AEBP2: variants seen among roughly 807,000 people sequenced by gnomAD.
AEBP2 encodes AE binding protein 2, also known as zinc finger protein AEBP2.
In AEBP2, 10 loss-of-function variants were observed where a neutral mutation model predicts 50.8. The ratio of observed to expected loss-of-function variants is 0.20; its 90% confidence interval spans 0.12 to 0.33. AEBP2 has a LOEUF of 0.33. Ranked by LOEUF, AEBP2 falls within the 10% of genes least tolerant of loss-of-function variation. AEBP2 has a pLI of 1.00. For missense variants in AEBP2, 570 were observed against 688.0 expected (o/e 0.83, Z 1.92); for synonymous variants, 296 against 261.3 (o/e 1.13, Z -1.28).
chr12:19,435,280 A>ATTTTTTTTTTTTTTTT (rs35017794), upstream of AEBP2, among the ~76,000 whole-genome samples: 2 of 142,902 alleles, frequency 1.4e-5, no homozygotes, highest in Non-Finnish European at 1.5e-5. Context: ...TGACTGGCTA[A>ATTTTTTTTTTTTTTTT]TTTTTTTTTT....
intron 1 of AEBP2, among the ~76,000 whole-genome samples, chr12:19,460,277 A>G (rs1222173134): frequency 3.3e-5 from 5 of 152,212 alleles, no homozygotes; most frequent in Non-Finnish European, 5.9e-5. Context: ...AGCTTACTTA[A>G]GCTAACAAAA....
chr12:19,491,539 A>AT (rs1460684822), intron 3 of AEBP2, among the ~76,000 whole-genome samples: 6 of 152,180 alleles, frequency 3.9e-5, no homozygotes, highest in African/African-American at 1.4e-4. Context: ...CTGGACATAG[A>AT]TAAGTATTTG....
Position 19,431,655 on chromosome 12 carries a change from A to C in AEBP2, c.-17+27439A>C, listed in dbSNP as rs1042607696. ...GGCTATACTGATAGACTTTAACTCAAAAACTATAATCATTATTTGGTCATG... is the reference window on the plus strand; with the variant it reads ...GGCTATACTGATAGACTTTAACTCACAAACTATAATCATTATTTGGTCATG... On this transcript the variant is annotated intron_variant, in intron 1 of 3. Coordinates refer to the AEBP2 transcript ENST00000538425. Among the ~76,000 whole-genome samples, 9 of 152,228 alleles carry C rather than the reference A, an allele frequency of 5.9e-5. No individual in the cohort carries two copies. The South Asian group carries it at 1.2e-3, about 21-fold the overall frequency.
chr12:19,453,094 G>A (rs1412163250), intron 1 of AEBP2, among the ~76,000 whole-genome samples: 4 of 147,988 alleles, frequency 2.7e-5, no homozygotes, highest in Non-Finnish European at 3.0e-5. Flanking sequence ...TCAGCCTCCC[G>A]AGTAGCTGGG....
intron 1 of AEBP2, chr12:19,413,036 G>A (rs2153363469): frequency 6.6e-6 from 3 of 454,372 alleles, no homozygotes; most frequent in South Asian, 4.1e-5. Flanking sequence ...GGCCTGGAGC[G>A]GGCTCGTCCT....
chr12:19,477,332 C>T (rs1948663540), intron 3 of AEBP2, among the ~76,000 whole-genome samples: 1 of 152,054 alleles, frequency 6.6e-6, no homozygotes, highest in Non-Finnish European at 1.5e-5. Context: ...ACTTCTAGTA[C>T]TTATGTTGAA....
chr12:19,428,308 G>A (rs2095749628), intron 1 of AEBP2, among the ~76,000 whole-genome samples: 1 of 152,178 alleles, frequency 6.6e-6, no homozygotes, highest in African/African-American at 2.4e-5. Context: ...TTCAGTCCAC[G>A]GGGTGGATGG....
chr12:19,516,900 G>A (rs759021145), intron 7 of AEBP2, among the ~76,000 whole-genome samples: 7 of 152,016 alleles, frequency 4.6e-5, no homozygotes, highest in Non-Finnish European at 8.8e-5. Context: ...AGTGTTGCAC[G>A]CCTGTAATCT....
intron 1 of AEBP2, among the ~76,000 whole-genome samples, chr12:19,405,678 G>A (rs1463070670): frequency 6.6e-6 from 1 of 152,172 alleles, no homozygotes; most frequent in Non-Finnish European, 1.5e-5. Flanking sequence ...CTTGTGGCAG[G>A]ATGGTAGAGA....
intron 1 of AEBP2, among the ~76,000 whole-genome samples, chr12:19,458,306 G>T (rs961411010): frequency 6.6e-6 from 1 of 152,202 alleles, no homozygotes; most frequent in Admixed American, 6.5e-5. Flanking sequence ...TAGAGGCTTA[G>T]GATTGGATAC....
chr12:19,420,108 ACGCCTCCC>A (rs2095744836), intron 1 of AEBP2, among the ~76,000 whole-genome samples: 1 of 135,546 alleles, frequency 7.4e-6, no homozygotes, highest in Non-Finnish European at 1.5e-5. Flanking sequence ...ACTGCAACTT[ACGCCTCCC>A]AGGTTCAAGG....
intron 7 of AEBP2, 89 bp downstream of exon 7, chr12:19,514,873 G>A: frequency 1.1e-6 from 1 of 943,788 alleles, no homozygotes; most frequent in Non-Finnish European, 1.6e-6. Context: ...AGTTTTAAGT[G>A]CTGAATTTTA....
intron 1 of AEBP2, chr12:19,456,759 A>T: frequency 1.9e-6 from 3 of 1,589,176 alleles, no homozygotes; most frequent in Non-Finnish European, 2.6e-6. Context: ...GTGCATTTCG[A>T]CAGATTTTAC....
At chr12:19,517,985 C>G (rs774718844) in intron 7 of AEBP2, 102 bp from the exon 8 acceptor site, 9 of 1,035,576 alleles carry the variant, frequency 8.7e-6, no homozygotes, top group African/African-American at 3.3e-5. Flanking sequence ...AATCTATGAT[C>G]ATCACATTGC....
chr12:19,473,858 C>G (rs1053526190), intron 3 of AEBP2, among the ~76,000 whole-genome samples: 2 of 152,120 alleles, frequency 1.3e-5, no homozygotes, highest in Admixed American at 6.5e-5. Flanking sequence ...CTCATTTGAT[C>G]AATTTTTTTC....
At chr12:19,471,775 C>G (rs1012979952) in intron 2 of AEBP2, among the ~76,000 whole-genome samples, 14 of 152,138 alleles carry the variant, frequency 9.2e-5, no homozygotes, top group African/African-American at 3.1e-4. Flanking sequence ...AAGCCGTCCC[C>G]CTACCTCGGT....
chr12:19,416,877 C>T (rs1360753051), intron 1 of AEBP2, among the ~76,000 whole-genome samples: 1 of 137,110 alleles, frequency 7.3e-6, no homozygotes, highest in Non-Finnish European at 1.6e-5. Flanking sequence ...TTTCTTTTTT[C>T]TTTTTTTTTT....
At chr12:19,429,147 G>A (rs2153365057) in intron 1 of AEBP2, among the ~76,000 whole-genome samples, 1 of 152,204 alleles carries the variant, frequency 6.6e-6, no homozygotes. Context: ...CCCACAACAG[G>A]CCCCGGTGTG....
chr12:19,442,654 T>A (rs551571914), intron 1 of AEBP2, among the ~76,000 whole-genome samples: 36 of 152,358 alleles, frequency 2.4e-4, no homozygotes, highest in Middle Eastern at 3.4e-3. Context: ...CTTGGTTTTC[T>A]TAATGCTTAA....
Sources: gnomAD v4.1 joint callset for allele counts (sites outside exome capture counted in the v4.1 genomes callset) on GRCh38, gnomAD v4.1.1 for gene constraint, MANE v1.5 for transcripts, NCBI Gene and HGNC (gene_info 2026-07-23, HGNC 2026-07-21) for gene names.